Variants in EFNB2 observed in about 807,000 individuals in gnomAD.
EFNB2 encodes ephrin B2, also known as ephrin-B2.
A neutral mutation model predicts 32.1 loss-of-function variants in EFNB2; 5 were observed. The observed-to-expected ratio is 0.16, with a 90% CI of 0.08 to 0.33. The LOEUF is 0.33. EFNB2 is among the 10% of genes least tolerant of loss of function. The pLI is 1.00. For missense variants in EFNB2, 263 were observed against 422.6 expected (o/e 0.62, Z 3.31); for synonymous variants, 168 against 166.5 (o/e 1.01, Z -0.07).
At position 106,535,649 on chromosome 13, in the gene EFNB2, C is replaced by A. The variant is rs1204924182; in HGVS notation, c.-685G>T. On this transcript the variant is annotated 5_prime_UTR_variant, in exon 1 of 5. Coordinates refer to ENST00000646441, the MANE Select transcript of EFNB2 (RefSeq NM_004093.4). ...CTCCGGCCGGCGCCGCGGTCCCCGC[C>A]GAGGAGAGTCAGCGCGGCCGCCGCG... 1 of 150,554 alleles carries A rather than the reference C, an allele frequency of 6.6e-6. No individual in the cohort carries two copies. The highest frequency in any genetic ancestry group is 1.5e-5 in the Non-Finnish European group (1 of 67,506). 9.3% of individuals were successfully genotyped at this position (150,554 alleles called of 1,614,324 possible).
chr13:106,490,670 G>T lies in EFNB2; in HGVS notation c.*2370C>A, dbSNP rs1322590025. ...TTGCATGAATGCACAGAAAGGAGAGGTTGGGGTGATGGAAAGAATTACATA... is the reference window on the plus strand; with the variant it reads ...TTGCATGAATGCACAGAAAGGAGAGTTTGGGGTGATGGAAAGAATTACATA... On this transcript the variant is annotated 3_prime_UTR_variant, in exon 5 of 5. Coordinates refer to ENST00000646441, the MANE Select transcript of EFNB2 (RefSeq NM_004093.4). 1.3e-5 allele frequency: 2 copies of T among 152,016 alleles called. No individual in the cohort carries two copies. Among genetic ancestry groups the T allele is most frequent in the Admixed American group, 1.3e-4 (2 of 15,250 alleles). The allele number at this position is 152,016 out of a possible 1,614,324, so 9.4% of individuals were successfully genotyped here.
At chr13:106,515,776 T>C (rs1372953618) in intron 1 of EFNB2, among the ~76,000 whole-genome samples, 3 of 152,200 alleles carry the variant, frequency 2.0e-5, no homozygotes, top group Non-Finnish European at 2.9e-5. Context: ...CTCCTGGCCA[T>C]GTTTTCACTA....
rs9652138 is a variant in EFNB2 at position 106,492,611 on chromosome 13, G to A, written c.*429C>T. Reference sequence around the variant, plus strand: ...AGCCCGAGGTCCGTGTGACAAGTCCGGTATGCACTGCGGGGGAAATGCACC... The same window carrying A: ...AGCCCGAGGTCCGTGTGACAAGTCCAGTATGCACTGCGGGGGAAATGCACC... On this transcript the variant is annotated 3_prime_UTR_variant, in exon 5 of 5. Coordinates refer to ENST00000646441, the MANE Select transcript of EFNB2 (RefSeq NM_004093.4). This position sits in a 1 kb window ranked among gnomAD's most constrained non-coding sequence, Gnocchi z 5.1. 1,251 of 181,924 alleles carry A rather than the reference G, an allele frequency of 6.9e-3. 18 individuals are homozygous for A. The highest frequency in any genetic ancestry group is 0.027 in the African/African-American group (1,170 of 43,072). 11.3% of individuals were successfully genotyped at this position (181,924 alleles called of 1,614,324 possible). A position where few individuals can be genotyped will look rare whatever the true frequency, so the allele number is the denominator to read the frequency against.
chr13:106,499,244 AC>A (rs1251090521), intron 2 of EFNB2, among the ~76,000 whole-genome samples: 1 of 149,420 alleles, frequency 6.7e-6, no homozygotes, highest in African/African-American at 2.5e-5. Flanking sequence ...GAGGTTCCAA[AC>A]CCCCCTCCTT....
chr13:106,510,752 G>A (rs1257119370), intron 2 of EFNB2, among the ~76,000 whole-genome samples: 1 of 151,054 alleles, frequency 6.6e-6, no homozygotes, highest in Non-Finnish European at 1.5e-5. Context: ...GGTGGCTCAC[G>A]CCTGGAATCC....
At chr13:106,497,370 A>C (rs552541335) in intron 2 of EFNB2, among the ~76,000 whole-genome samples, 109 of 152,156 alleles carry the variant, frequency 7.2e-4, no homozygotes, top group African/African-American at 2.6e-3. Context: ...TGCCATAATA[A>C]TACTTGTCTT....
At chr13:106,505,665 C>T (rs1878926329) in intron 2 of EFNB2, among the ~76,000 whole-genome samples, 1 of 152,176 alleles carries the variant, frequency 6.6e-6, no homozygotes, top group East Asian at 1.9e-4. Context: ...AAAGTTTTAT[C>T]TTCCTGATGA....
At chr13:106,499,041 G>A (rs1878684050) in intron 2 of EFNB2, among the ~76,000 whole-genome samples, 1 of 152,032 alleles carries the variant, frequency 6.6e-6, no homozygotes, top group African/African-American at 2.4e-5. Flanking sequence ...ATGATCTAAG[G>A]TGCCATGAAC....
chr13:106,497,761 C>T (rs1878640068), intron 2 of EFNB2, among the ~76,000 whole-genome samples: 1 of 152,080 alleles, frequency 6.6e-6, no homozygotes, highest in Admixed American at 6.6e-5. Flanking sequence ...TCCCTTTTCC[C>T]TCCTCCAAAT....
chr13:106,504,772 G>A (rs11069646), intron 2 of EFNB2, among the ~76,000 whole-genome samples: 75,307 of 151,854 alleles, frequency 0.5, 19,444 homozygotes, highest in Non-Finnish European at 0.57. Flanking sequence ...CAGCCAGCCA[G>A]CCAACAAAAC....
At chr13:106,508,900 G>A (rs751909210) in intron 2 of EFNB2, among the ~76,000 whole-genome samples, 37 of 152,108 alleles carry the variant, frequency 2.4e-4, no homozygotes, top group African/African-American at 8.5e-4. Flanking sequence ...TCATATTCAC[G>A]TCTGAAACTC....
rs1313807581 is a variant in EFNB2, at chr13:106,493,243, G to A, written c.799C>T (p.Leu267=). Residue 267 remains leucine, a synonymous_variant, in exon 5 of 5, where the codon CTG becomes TTG. Coordinates refer to ENST00000646441, the MANE Select transcript of EFNB2 (RefSeq NM_004093.4). The surrounding 1 kb of genome is among the most constrained non-coding windows in gnomAD (Gnocchi z 6.1). ...GGTGTGGCCAGTGTGCTGAGCGACAGCGTGGTCGTGTGCTGCGGCGAGTGC... is the reference window on the plus strand; with the variant it reads ...GGTGTGGCCAGTGTGCTGAGCGACAACGTGGTCGTGTGCTGCGGCGAGTGC... ...RKHSPQHTTT[L]SLSTLATPKR... is the part of the protein sequence containing the mutation. The A allele has an allele frequency of 6.2e-7, 1 of 1,614,234 alleles. No homozygotes were observed. The highest frequency in any genetic ancestry group is 1.1e-5 in the South Asian group (1 of 91,082).
Position 106,512,805 on chromosome 13 carries a change from G to T in EFNB2, c.130C>A (p.Pro44Thr). The change falls in exon 2 of 5, where the codon CCT becomes ACT. Residue 44 changes from proline to threonine, a missense_variant. Physicochemically the swap from Pro to Thr is conservative, Grantham distance 38. Around this residue, in one of 3 missense-constraint regions of EFNB2, gnomAD observed 46 missense variants for 56.9 expected, o/e 0.81. Transcript: ENST00000646441. ...GGGTATAGTACCAGTCCTTGTCCAG[G>T]TAGAAATCTAAAAGCATAAGAAAAA... ...YWNSSNSKFL[P>T]GQGLVLYPQI... The T allele has an allele frequency of 6.4e-7, 1 of 1,552,032 alleles. No individual in the cohort carries two copies. The highest frequency in any genetic ancestry group is 1.3e-5 in the South Asian group (1 of 79,908).
chr13:106,502,213 CTATT>C (rs747844264), intron 2 of EFNB2, among the ~76,000 whole-genome samples: 1 of 152,122 alleles, frequency 6.6e-6, no homozygotes, highest in Non-Finnish European at 1.5e-5. Context: ...CTATGCAACA[CTATT>C]AATTAGTTTT....
At position 106,535,024 on chromosome 13, in the gene EFNB2, C is replaced by A. The variant is rs544387365; in HGVS notation, c.-60G>T. ...CAAGAAGGGACTGACGGGACGCAGG[C>A]TGGGACCCCCAATCCTCCGGGGCAG... is the stretch of plus-strand genomic sequence containing the variant. On this transcript the variant is annotated 5_prime_UTR_variant, in exon 1 of 5. Coordinates refer to ENST00000646441, the MANE Select transcript of EFNB2 (RefSeq NM_004093.4). 1.0e-3 allele frequency: 1,666 copies of A among 1,598,964 alleles called. 5 individuals carry two copies. Among genetic ancestry groups the A allele is most frequent in the Middle Eastern group, 3.2e-3 (18 of 5,664 alleles).
chr13:106,534,711 TTGGGGG>T lies in EFNB2; in HGVS notation c.122+126_122+131del, dbSNP rs1594182068. On this transcript the variant is annotated intron_variant, in intron 1 of 4. Coordinates refer to ENST00000646441, the MANE Select transcript of EFNB2 (RefSeq NM_004093.4). Reference sequence around the variant, plus strand: ...TCCACCTAGTGAAATGGGGCGGGGGTTGGGGGTGGGGGACGGGGAACCGAGGTTCCA... The same window carrying T: ...TCCACCTAGTGAAATGGGGCGGGGGTTGGGGGACGGGGAACCGAGGTTCCA... The T allele has an allele frequency of 5.0e-6, 5 of 995,428 alleles. No homozygotes were observed. In the East Asian group the frequency reaches 1.5e-4, roughly 31 times the overall value. 61.7% of individuals were successfully genotyped at this position (995,428 alleles called of 1,614,324 possible).
chr13:106,523,556 C>G (rs114479097), intron 1 of EFNB2, among the ~76,000 whole-genome samples: 1 of 152,138 alleles, frequency 6.6e-6, no homozygotes, highest in Admixed American at 6.5e-5. Context: ...CTCTGGCCGG[C>G]GGCTGCATGG....
At chr13:106,523,165 T>C (rs940107671) in intron 1 of EFNB2, among the ~76,000 whole-genome samples, 3 of 151,932 alleles carry the variant, frequency 2.0e-5, no homozygotes, top group Non-Finnish European at 2.9e-5. Flanking sequence ...CCACAGCCCG[T>C]GAAGTTAGGG....
intron 2 of EFNB2, chr13:106,506,741 T>A (rs1032203367): frequency 2.0e-5 from 3 of 152,206 alleles, no homozygotes; most frequent in African/African-American, 4.8e-5. Flanking sequence ...AACTCTTAGT[T>A]ATATGTATTT....
Sources: allele counts gnomAD v4.1 joint callset (sites outside exome capture counted in the v4.1 genomes callset), GRCh38; gene constraint gnomAD v4.1.1; regional missense constraint gnomAD v4.1.1; non-coding constraint Gnocchi (gnomAD v3.1); transcripts MANE v1.5; gene names NCBI Gene and HGNC (gene_info 2026-07-23, HGNC 2026-07-21).